The following GNB4 variants were observed in gnomAD, a reference collection of about 807,000 sequenced individuals.
GNB4 encodes the protein G protein subunit beta 4, also known as guanine nucleotide-binding protein subunit beta-4.
Under a neutral mutation model 45.2 loss-of-function variants are expected in GNB4, and 28 were observed. The observed-to-expected ratio is 0.62, with a 90% confidence interval of 0.46 to 0.85. The LOEUF (loss-of-function observed/expected upper bound fraction) is 0.85. Ranked by LOEUF, GNB4 falls within the 40% of genes least tolerant of loss-of-function variation. GNB4 has a pLI of 0.00. For synonymous variants in GNB4, 132 were observed against 143.7 expected (o/e 0.92, Z 0.58); for missense variants, 321 against 425.4 (o/e 0.75, Z 2.16).
chr3:179,479,207 A>C, the GNB4 span, among the ~76,000 whole-genome samples: 1 of 152,200 alleles, frequency 6.6e-6, no homozygotes, highest in Non-Finnish European at 1.5e-5. Flanking sequence ...TAAAATCAGT[A>C]TCAAGTTGCG....
At chr3:179,433,704 C>CAAA (rs796319109) in intron 1 of GNB4, among the ~76,000 whole-genome samples, 12 of 133,872 alleles carry the variant, frequency 9.0e-5, no homozygotes, top group Non-Finnish European at 1.6e-4. Context: ...AACAAAACAC[C>CAAA]AAAAAAAAAA....
the GNB4 span, among the ~76,000 whole-genome samples, chr3:179,527,778 GTGTGTGTATGTA>G: frequency 9.2e-6 from 1 of 109,038 alleles, no homozygotes; most frequent in Non-Finnish European, 1.9e-5. Context: ...TGATAAGTGC[GTGTGTGTATGTA>G]TGTGTGTGTG....
chr3:179,463,027 G>T, the GNB4 span, among the ~76,000 whole-genome samples: 3 of 152,172 alleles, frequency 2.0e-5, no homozygotes, highest in African/African-American at 7.2e-5. Flanking sequence ...ATCTAGGAAG[G>T]TTTAAAGAAA....
At chr3:179,499,150 A>ATTTTC in the GNB4 span, among the ~76,000 whole-genome samples, 1 of 126,362 alleles carries the variant, frequency 7.9e-6, no homozygotes. Context: ...TATGTGCCAC[A>ATTTTC]TTTTCTTTTT....
chr3:179,411,190 T>G (rs1714641022), intron 8 of GNB4, among the ~76,000 whole-genome samples: 1 of 152,014 alleles, frequency 6.6e-6, no homozygotes, highest in Non-Finnish European at 1.5e-5. Context: ...AATGGAAAAT[T>G]TCAGCAACTC....
chr3:179,470,091 T>C, the GNB4 span, among the ~76,000 whole-genome samples: 1 of 152,230 alleles, frequency 6.6e-6, no homozygotes, highest in Non-Finnish European at 1.5e-5. Context: ...CACTGTTGTA[T>C]AAAAGTATAG....
At chr3:179,435,757 G>A (rs1045162922) in intron 1 of GNB4, among the ~76,000 whole-genome samples, 2 of 152,190 alleles carry the variant, frequency 1.3e-5, no homozygotes, top group African/African-American at 4.8e-5. Flanking sequence ...GCATTGTTGA[G>A]CAGAAAGCAG....
intron 1 of GNB4, among the ~76,000 whole-genome samples, chr3:179,436,751 A>G (rs563559378): frequency 1.3e-5 from 2 of 152,338 alleles, no homozygotes; most frequent in East Asian, 3.9e-4. Context: ...CAGAAGTTGC[A>G]GATGCTGAAA....
chr3:179,465,011 G>A, the GNB4 span: 38 of 1,529,778 alleles, frequency 2.5e-5, no homozygotes, highest in Middle Eastern at 7.7e-4. Flanking sequence ...TGAACGTCCC[G>A]GAGGTGATGC....
upstream of GNB4, among the ~76,000 whole-genome samples, chr3:179,454,619 T>G (rs531013277): frequency 1.3e-5 from 2 of 152,168 alleles, no homozygotes; most frequent in Non-Finnish European, 2.9e-5. Flanking sequence ...TATCCTGCTT[T>G]TAAGTTTTAC....
At chr3:179,468,035 A>AAAAAAAAATATATATATATATATATATAT in the GNB4 span, among the ~76,000 whole-genome samples, 22 of 89,862 alleles carry the variant, frequency 2.4e-4, no homozygotes, top group Admixed American at 1.1e-3. Flanking sequence ...TGTTGATAAA[A>AAAAAAAAATATATATATATATATATATAT]ATATATATAT....
chr3:179,412,104 T>G (rs975265599), intron 8 of GNB4, among the ~76,000 whole-genome samples: 18 of 152,190 alleles, frequency 1.2e-4, no homozygotes, highest in Non-Finnish European at 1.6e-4. Flanking sequence ...TACTGAGTAC[T>G]TTTTACCTGG....
the GNB4 span, among the ~76,000 whole-genome samples, chr3:179,522,169 G>A: frequency 6.6e-6 from 1 of 151,890 alleles, no homozygotes; most frequent in African/African-American, 2.4e-5. Flanking sequence ...CTTAACTGAT[G>A]ACATTCCACC....
the GNB4 span, among the ~76,000 whole-genome samples, chr3:179,497,981 T>C: frequency 6.6e-6 from 1 of 152,216 alleles, no homozygotes; most frequent in East Asian, 1.9e-4. Flanking sequence ...AAAGACAGTA[T>C]GGAGGTTTCC....
chr3:179,398,887 ACTC>A lies in GNB4; in HGVS notation c.*2323_*2325del, dbSNP rs1714200077. ...TATTTAATTATGGGAATTGCTTTAA[ACTC>A]CTCTTCATAAACTTTAAGAACATTA... is the stretch of plus-strand genomic sequence containing the variant. On this transcript the variant is annotated 3_prime_UTR_variant, in exon 10 of 10. Coordinates refer to ENST00000232564, the MANE Select transcript of GNB4 (RefSeq NM_021629.4). The A allele has an allele frequency of 6.6e-6, 1 of 152,116 alleles. No homozygotes were observed. Among genetic ancestry groups the A allele is most frequent in the African/African-American group, 2.4e-5 (1 of 41,418 alleles). 9.4% of individuals were successfully genotyped at this position (152,116 alleles called of 1,614,324 possible). A position where few individuals can be genotyped will look rare whatever the true frequency, so the allele number is the denominator to read the frequency against.
the GNB4 span, among the ~76,000 whole-genome samples, chr3:179,483,693 A>T: frequency 6.6e-6 from 1 of 152,192 alleles, no homozygotes; most frequent in South Asian, 2.1e-4. Flanking sequence ...AACCACTGTT[A>T]AGACTGGACA....
At chr3:179,470,918 G>A in the GNB4 span, among the ~76,000 whole-genome samples, 6 of 152,248 alleles carry the variant, frequency 3.9e-5, no homozygotes, top group South Asian at 8.3e-4. Context: ...CGTGGCTTAC[G>A]CCTGTAATCC....
At chr3:179,494,907 CA>C in the GNB4 span, among the ~76,000 whole-genome samples, 7,020 of 34,122 alleles carry the variant, frequency 0.21, 36 homozygotes, top group East Asian at 0.34. Flanking sequence ...GACTCTGTCT[CA>C]AAAAAAAAAA....
At chr3:179,419,600 A>T (rs1714916844) in intron 3 of GNB4, 95 bp from the exon 4 acceptor site, 1 of 789,394 alleles carries the variant, frequency 1.3e-6, no homozygotes, top group East Asian at 2.4e-5. Context: ...AAGCAAACAT[A>T]AAGTACATTT....
Sources: allele counts gnomAD v4.1 joint callset (sites outside exome capture counted in the v4.1 genomes callset), GRCh38; gene constraint gnomAD v4.1.1; transcripts MANE v1.5; gene names NCBI Gene and HGNC (gene_info 2026-07-23, HGNC 2026-07-21).